Variants in NFIB observed in about 807,000 individuals in gnomAD.
NFIB encodes nuclear factor I B.
In NFIB, 11 loss-of-function variants were observed where a neutral mutation model predicts 61.5. That is an observed-to-expected ratio of 0.18 (90% CI 0.11 to 0.30). The LOEUF (loss-of-function observed/expected upper bound fraction) is 0.30, where lower values mean the gene tolerates loss of function less well. Ranked by LOEUF, NFIB falls within the 10% of genes least tolerant of loss-of-function variation. The pLI is 1.00. For missense variants in NFIB, 471 were observed against 608.9 expected (o/e 0.77, Z 2.38); for synonymous variants, 260 against 216.5 (o/e 1.20, Z -1.76).
intron 2 of NFIB, among the ~76,000 whole-genome samples, chr9:14,292,870 T>C (rs1314223421): frequency 6.6e-6 from 1 of 152,142 alleles, no homozygotes; most frequent in Non-Finnish European, 1.5e-5. Context: ...TTAAGTAAAA[T>C]TATGTCCATA....
intron 6 of NFIB, among the ~76,000 whole-genome samples, chr9:14,135,184 ATAAC>A (rs1388433092): frequency 3.3e-5 from 5 of 152,142 alleles, no homozygotes; most frequent in Middle Eastern, 3.2e-3. Flanking sequence ...TTCCCCACAA[ATAAC>A]TATTACTTTT....
chr9:14,404,871 C>A, the NFIB span, among the ~76,000 whole-genome samples: 3 of 152,156 alleles, frequency 2.0e-5, no homozygotes, highest in African/African-American at 7.2e-5. Flanking sequence ...GCTTCCGTGT[C>A]CAGCCTCCAG....
rs746569703 is a variant in NFIB, at chr9:14,141,531, G to A, written c.925+5158C>T. ...CATAATCTTATTTATTTTAGTCCCCGATTTTTCTAAATAGTAAAAGTTACT... is the reference window on the plus strand; with the variant it reads ...CATAATCTTATTTATTTTAGTCCCCAATTTTTCTAAATAGTAAAAGTTACT... On this transcript the variant is annotated intron_variant, in intron 6 of 10. Coordinates refer to ENST00000380953, the MANE Select transcript of NFIB (RefSeq NM_001190737.2). Among the ~76,000 whole-genome samples, 6 of 151,974 alleles carry A rather than the reference G, an allele frequency of 3.9e-5. No homozygotes were observed. In the East Asian group the frequency reaches 5.8e-4, roughly 15 times the overall value.
chr9:14,121,360 C>A (rs2038908205), intron 7 of NFIB, among the ~76,000 whole-genome samples: 2 of 152,156 alleles, frequency 1.3e-5, no homozygotes, highest in African/African-American at 2.4e-5. Context: ...CAAGTCACAG[C>A]ATTAAGTAGA....
At chr9:14,213,592 C>T (rs2050538753) in intron 2 of NFIB, among the ~76,000 whole-genome samples, 1 of 152,164 alleles carries the variant, frequency 6.6e-6, no homozygotes, top group African/African-American at 2.4e-5. Context: ...CACTGCTACA[C>T]AGTAACATGG....
chr9:14,133,246 A>G (rs989165990), intron 6 of NFIB, among the ~76,000 whole-genome samples: 2 of 152,096 alleles, frequency 1.3e-5, no homozygotes, highest in Non-Finnish European at 2.9e-5. Context: ...TCAGAGACCA[A>G]ATTCATTGCT....
intron 2 of NFIB, among the ~76,000 whole-genome samples, chr9:14,253,633 C>CGGT (rs1483161886): frequency 5.5e-4 from 84 of 152,112 alleles, no homozygotes; most frequent in African/African-American, 1.9e-3. Flanking sequence ...GAGTTAGGGA[C>CGGT]CACTCTGGGC....
the NFIB span, among the ~76,000 whole-genome samples, chr9:14,520,656 C>A: frequency 1.1e-3 from 171 of 152,322 alleles, no homozygotes; most frequent in African/African-American, 3.9e-3. Flanking sequence ...TTAGCTTCTA[C>A]AGAGAACTTT....
intron 1 of NFIB, among the ~76,000 whole-genome samples, chr9:14,323,449 AAC>A (rs1287008825): frequency 6.6e-6 from 1 of 152,170 alleles, no homozygotes; most frequent in Non-Finnish European, 1.5e-5. Flanking sequence ...AATAATGTTT[AAC>A]AGTTTAAATT....
intron 3 of NFIB, among the ~76,000 whole-genome samples, chr9:14,162,759 A>T (rs554311629): frequency 5.9e-4 from 89 of 152,100 alleles, no homozygotes; most frequent in Non-Finnish European, 1.1e-3. Flanking sequence ...ATACTATTCT[A>T]CTTTTGCTTT....
chr9:14,365,942 T>G (rs2061294971), intron 1 of NFIB, among the ~76,000 whole-genome samples: 1 of 152,156 alleles, frequency 6.6e-6, no homozygotes. Context: ...GAGAGCCAGA[T>G]GTGGGCTTAG....
At chr9:14,207,318 T>C (rs888419719) in intron 2 of NFIB, among the ~76,000 whole-genome samples, 3 of 152,246 alleles carry the variant, frequency 2.0e-5, no homozygotes, top group African/African-American at 7.2e-5. Context: ...GTTGCACCTC[T>C]GCAATTACAG....
At chr9:14,180,208 A>G (rs1305494962) in intron 2 of NFIB, among the ~76,000 whole-genome samples, 1 of 152,232 alleles carries the variant, frequency 6.6e-6, no homozygotes, top group Admixed American at 6.5e-5. Flanking sequence ...AATGAGTAAA[A>G]TACACAGAAA....
exon 1 of NFIB, chr9:14,398,571 T>G: frequency 2.0e-6 from 3 of 1,535,402 alleles, no homozygotes; most frequent in Non-Finnish European, 2.6e-6. Flanking sequence ...ATCCCAGGGT[T>G]ACATTTCAGA....
In NFIB at chr9:14,084,986, C is replaced by T. The variant is rs577216713; in HGVS notation, c.*3323G>A. 1.7e-3 allele frequency: 383 copies of T among 229,254 alleles called. No individual in the cohort carries two copies. The highest frequency in any genetic ancestry group is 7.9e-3 in the Middle Eastern group (6 of 762). The allele number at this position is 229,254 out of a possible 1,614,324, so 14.2% of individuals were successfully genotyped here. On this transcript the variant is annotated 3_prime_UTR_variant, in exon 11 of 11. Coordinates refer to ENST00000380953, the MANE Select transcript of NFIB (RefSeq NM_001190737.2). ...ACTGGCAAAAAAGAGAGCGAGTCTG[C>T]CTTTAAAAAATACTGTGTGTCCTGT...
chr9:14,178,271 G>A lies in NFIB; in HGVS notation c.616+1456C>T, dbSNP rs531894288. Among the ~76,000 whole-genome samples the A allele has an allele frequency of 1.6e-4, 24 of 152,104 alleles. No individual in the cohort carries two copies. In the South Asian group the frequency reaches 2.3e-3, roughly 14 times the overall value. ...TTTGTAAAGTTAAAAGACCCTATAA[G>A]TTAATGAAATATTCTGAACTTCTGA... On this transcript the variant is annotated intron_variant, in intron 3 of 10. Coordinates refer to ENST00000380953, the MANE Select transcript of NFIB (RefSeq NM_001190737.2).
At chr9:14,174,454 G>A (rs2045918764) in intron 3 of NFIB, among the ~76,000 whole-genome samples, 1 of 152,082 alleles carries the variant, frequency 6.6e-6, no homozygotes, top group Non-Finnish European at 1.5e-5. Flanking sequence ...ACATGAGAAG[G>A]AATAGACATG....
the NFIB span, among the ~76,000 whole-genome samples, chr9:14,509,805 A>G: frequency 6.6e-6 from 1 of 152,226 alleles, no homozygotes. Flanking sequence ...TCCTGGTTAA[A>G]AACTAGCAGG....
At chr9:14,128,807 T>C (rs2040034969) in intron 6 of NFIB, among the ~76,000 whole-genome samples, 1 of 152,094 alleles carries the variant, frequency 6.6e-6, no homozygotes, top group African/African-American at 2.4e-5. Context: ...GCAACTACTG[T>C]AACTATATCA....
Sources: gnomAD v4.1 joint callset for allele counts (sites outside exome capture counted in the v4.1 genomes callset) on GRCh38, gnomAD v4.1.1 for gene constraint, MANE v1.5 for transcripts, NCBI Gene and HGNC (gene_info 2026-07-23, HGNC 2026-07-21) for gene names.